HECTD2: variants seen among roughly 807,000 people sequenced by gnomAD.
HECTD2 encodes the protein probable E3 ubiquitin-protein ligase HECTD2.
In HECTD2, 35 loss-of-function variants were observed where a neutral mutation model predicts 103.2. The ratio of observed to expected loss-of-function variants is 0.34; its 90% CI spans 0.26 to 0.45. The LOEUF is 0.45. Among genes scored for constraint, HECTD2 ranks in the 20% least tolerant of loss-of-function variants. The probability of loss-of-function intolerance (pLI) is 1.00; values close to 1 mark genes in which losing one functional copy is unlikely to be tolerated. For missense variants in HECTD2, 596 were observed against 937.4 expected (o/e 0.64, Z 4.76); for synonymous variants, 281 against 329.9 (o/e 0.85, Z 1.61).
At position 91,410,596 on chromosome 10, in the gene HECTD2, C is replaced by G. The variant is rs1325987649; in HGVS notation, c.138+20C>G. 8.2e-7 allele frequency: 1 copy of G among 1,215,220 alleles called. No homozygotes were observed. The highest frequency in any genetic ancestry group is 2.0e-5 in the South Asian group (1 of 50,820). 75.3% of individuals were successfully genotyped at this position (1,215,220 alleles called of 1,614,324 possible). ...ACCGCGGTAGGTGGTGGGCCGGGGC[C>G]GTCTGGCGCCCCGGACGGCGGGAGT... On this transcript the variant is annotated intron_variant, in intron 1 of 20. Coordinates refer to ENST00000298068, the MANE Select transcript of HECTD2 (RefSeq NM_182765.6).
intron 2 of HECTD2, among the ~76,000 whole-genome samples, chr10:91,455,970 C>T (rs1363413019): frequency 1.3e-5 from 2 of 152,120 alleles, no homozygotes; most frequent in Non-Finnish European, 2.9e-5. Context: ...GTTTTGGTTA[C>T]TGTAGCCTTG....
intron 2 of HECTD2, among the ~76,000 whole-genome samples, chr10:91,443,911 A>G (rs895432489): frequency 6.6e-6 from 1 of 152,188 alleles, no homozygotes; most frequent in African/African-American, 2.4e-5. Flanking sequence ...GCAAACACTA[A>G]TTGGACAGAG....
rs574734527 is a variant in HECTD2 at position 91,491,833 on chromosome 10, G to GATTT, written c.1300-502_1300-499dup. On this transcript the variant is annotated intron_variant, in intron 12 of 20. Coordinates refer to ENST00000298068, the MANE Select transcript of HECTD2 (RefSeq NM_182765.6). ...AAGATAATGGCTGATTCCGCTATGT[G>GATTT]ATTTATTTATTTATTTATTTTTGTG... 3.0e-4 allele frequency among the ~76,000 whole-genome samples: 45 copies of GATTT among 152,162 alleles called. No homozygotes were observed. The South Asian group carries it at 7.9e-3, about 27-fold the overall frequency.
Position 91,498,114 on chromosome 10 carries a change from G to A in HECTD2, c.1687G>A (p.Ala563Thr). Residue 563 changes from alanine to threonine, a missense_variant, in exon 16 of 21, where the codon GCC becomes ACC. Physicochemically the swap from Ala to Thr is moderately conservative, Grantham distance 58 (BLOSUM62 0). This residue lies in a region of HECTD2 where 303 missense variants were observed against 522.5 expected (regional missense o/e 0.58). Transcript: ENST00000298068. ...AACAGATTTCTTTTTATAGGAGTTGGCCCATGGATTAAGTGAACTCTTATC... is the reference window on the plus strand; with the variant it reads ...AACAGATTTCTTTTTATAGGAGTTGACCCATGGATTAAGTGAACTCTTATC... ...DDLCQIMPEL[A>T]HGLSELLSHE... 6.2e-7 allele frequency: 1 copy of A among 1,606,750 alleles called. No homozygotes were observed. The highest frequency in any genetic ancestry group is 8.5e-7 in the Non-Finnish European group (1 of 1,173,582).
intron 2 of HECTD2, among the ~76,000 whole-genome samples, chr10:91,456,498 G>C (rs957683258): frequency 6.6e-6 from 1 of 152,090 alleles, no homozygotes; most frequent in African/African-American, 2.4e-5. Flanking sequence ...GGTTTTTCTA[G>C]ATATACAATC....
intron 11 of HECTD2, chr10:91,488,276 T>C (rs1301179239): frequency 6.5e-6 from 1 of 153,086 alleles, no homozygotes; most frequent in Non-Finnish European, 1.5e-5. Context: ...TATTGGTTCT[T>C]AGGAAACCAA....
At chr10:91,410,685 GC>G in intron 1 of HECTD2, 109 bp downstream of exon 1, 2 of 1,041,888 alleles carry the variant, frequency 1.9e-6, no homozygotes, top group Non-Finnish European at 2.5e-6. Flanking sequence ...GCACGCCCTG[GC>G]ACTCCAGGGA....
chr10:91,495,362 A>C (rs1589542138), intron 14 of HECTD2, among the ~76,000 whole-genome samples: 1 of 152,004 alleles, frequency 6.6e-6, no homozygotes, highest in East Asian at 1.9e-4. Flanking sequence ...TTTGAAGTAT[A>C]AGGCCTTATT....
intron 11 of HECTD2, among the ~76,000 whole-genome samples, chr10:91,490,852 C>T (rs1846446711): frequency 7.9e-6 from 1 of 125,968 alleles, no homozygotes; most frequent in Non-Finnish European, 1.6e-5. Context: ...GATAGCGCCA[C>T]TGCAGTCCAG....
chr10:91,481,466 C>G (rs924578934), intron 7 of HECTD2, among the ~76,000 whole-genome samples: 1 of 151,444 alleles, frequency 6.6e-6, no homozygotes, highest in Non-Finnish European at 1.5e-5. Flanking sequence ...TCTTCCTCCT[C>G]CATTCAAACC....
chr10:91,452,950 C>A (rs1346713954), intron 2 of HECTD2, among the ~76,000 whole-genome samples: 1 of 151,930 alleles, frequency 6.6e-6, no homozygotes, highest in African/African-American at 2.4e-5. Flanking sequence ...TAAAGGAGTT[C>A]TCTAAACAGA....
intron 1 of HECTD2, among the ~76,000 whole-genome samples, chr10:91,410,880 C>T (rs765051775): frequency 5.3e-5 from 8 of 152,222 alleles, no homozygotes; most frequent in Non-Finnish European, 1.2e-4. Context: ...TGACCTGCAT[C>T]TTGAGTCGGC....
At chr10:91,421,867 T>G (rs1304283943) in intron 1 of HECTD2, among the ~76,000 whole-genome samples, 1 of 152,192 alleles carries the variant, frequency 6.6e-6, no homozygotes, top group Admixed American at 6.5e-5. Flanking sequence ...TACTTTATAA[T>G]TTATGGGAGG....
At chr10:91,461,429 A>AT (rs1020903333) in intron 4 of HECTD2, 73 bp downstream of exon 4, 2 of 701,740 alleles carry the variant, frequency 2.9e-6, no homozygotes, top group African/African-American at 1.9e-5. Flanking sequence ...AATTTACCTC[A>AT]TTTTCTACCC....
intron 3 of HECTD2, among the ~76,000 whole-genome samples, chr10:91,460,775 G>A (rs1476849272): frequency 6.6e-6 from 1 of 151,962 alleles, no homozygotes; most frequent in Non-Finnish European, 1.5e-5. Flanking sequence ...CAAAATAAAG[G>A]AAACACTAAG....
chr10:91,466,853 G>A (rs369092207), intron 5 of HECTD2, among the ~76,000 whole-genome samples: 54 of 152,224 alleles, frequency 3.5e-4, no homozygotes, highest in African/African-American at 1.3e-3. Flanking sequence ...AAAAGACATG[G>A]AGAAACCTTA....
rs144210928 is a variant in HECTD2 at position 91,440,459 on chromosome 10, T to C, written c.268+15049T>C. Reference sequence around the variant, plus strand: ...ATTGTGGTGGATAAGCTTTTTGATGTGCTGCTACATTTGGTTTGCCAGTAT... The same window carrying C: ...ATTGTGGTGGATAAGCTTTTTGATGCGCTGCTACATTTGGTTTGCCAGTAT... On this transcript the variant is annotated intron_variant, in intron 2 of 20. Coordinates refer to ENST00000298068, the MANE Select transcript of HECTD2 (RefSeq NM_182765.6). Among the ~76,000 whole-genome samples, 1,366 of 152,222 alleles carry C rather than the reference T, an allele frequency of 9.0e-3. 9 individuals carry two copies. The highest frequency in any genetic ancestry group is 0.017 in the Middle Eastern group (5 of 294).
chr10:91,445,705 G>A (rs1387900183), intron 2 of HECTD2, among the ~76,000 whole-genome samples: 1 of 152,094 alleles, frequency 6.6e-6, no homozygotes, highest in Non-Finnish European at 1.5e-5. Context: ...CACTGGGACT[G>A]GTTAGACAGT....
At chr10:91,439,149 C>T (rs1844275919) in intron 2 of HECTD2, among the ~76,000 whole-genome samples, 1 of 152,138 alleles carries the variant, frequency 6.6e-6, no homozygotes, top group Non-Finnish European at 1.5e-5. Flanking sequence ...CAAGTCTGTG[C>T]CCACGCCTAT....
Sources: gnomAD v4.1 joint callset for allele counts (sites outside exome capture counted in the v4.1 genomes callset) on GRCh38, gnomAD v4.1.1 for gene constraint, gnomAD v4.1.1 regional missense constraint, MANE v1.5 for transcripts, NCBI Gene and HGNC (gene_info 2026-07-23, HGNC 2026-07-21) for gene names.